The following DNAH12 variants were observed in gnomAD, a reference collection of about 807,000 sequenced individuals.
The protein encoded by DNAH12 is dynein axonemal heavy chain 12, also known as axonemal beta dynein heavy chain 12.
Under a neutral mutation model 371.5 loss-of-function variants are expected in DNAH12, and 285 were observed. The ratio of observed to expected loss-of-function variants is 0.77; its 90% CI spans 0.70 to 0.85. The LOEUF (loss-of-function observed/expected upper bound fraction) is 0.85, where lower values mean the gene tolerates loss of function less well. Among genes scored for constraint, DNAH12 ranks in the 40% least tolerant of loss-of-function variants. The pLI, the probability that DNAH12 is intolerant of heterozygous loss-of-function variation, is 0.00. For missense variants in DNAH12, 3,611 were observed against 3,689.4 expected, an observed-to-expected ratio of 0.98 and a Z score of 0.55; for synonymous variants, 1,200 against 1,213.0, an observed-to-expected ratio of 0.99 and a Z score of 0.22.
At chr3:57,489,936 G>A (rs916123550) in intron 11 of DNAH12, among the ~76,000 whole-genome samples, 2 of 151,690 alleles carry the variant, frequency 1.3e-5, no homozygotes, top group South Asian at 2.1e-4. Flanking sequence ...CATATCACAC[G>A]GTAAAATTTC....
At chr3:57,296,575 G>T in intron 71 of DNAH12, 140 bp from the exon 72 acceptor site, 1 of 774,114 alleles carries the variant, frequency 1.3e-6, no homozygotes, top group Non-Finnish European at 2.0e-6. Flanking sequence ...TTTTTCAGCC[G>T]TAGTTTGTAA....
intron 2 of DNAH12, among the ~76,000 whole-genome samples, chr3:57,527,634 A>G (rs968968895): frequency 1.3e-5 from 2 of 152,196 alleles, no homozygotes; most frequent in African/African-American, 4.8e-5. Context: ...TTAACCATTT[A>G]TGAGACATCT....
intron 40 of DNAH12, among the ~76,000 whole-genome samples, chr3:57,407,358 C>T (rs1239043071): frequency 6.6e-6 from 1 of 151,332 alleles, no homozygotes; most frequent in Non-Finnish European, 1.5e-5. Context: ...ACCAACACCT[C>T]TGTATTTTCC....
intron 51 of DNAH12, among the ~76,000 whole-genome samples, 191 bp downstream of exon 51, chr3:57,380,087 A>T (rs975989199): frequency 2.6e-5 from 4 of 152,236 alleles, no homozygotes; most frequent in African/African-American, 9.6e-5. Flanking sequence ...CTTTTTAACT[A>T]TCTGAGACAG....
In DNAH12 at chr3:57,368,029, T is replaced by C. The variant is rs2063089309; in HGVS notation, c.8974+17A>G. The C allele has an allele frequency of 6.6e-6, 1 of 152,346 alleles. No homozygotes were observed. Among genetic ancestry groups the C allele is most frequent in the East Asian group, 1.9e-4 (1 of 5,184 alleles). 9.4% of individuals were successfully genotyped at this position (152,346 alleles called of 1,614,324 possible). On this transcript the variant is annotated intron_variant, in intron 56 of 73. Coordinates refer to ENST00000495027, the MANE Select transcript of DNAH12 (RefSeq NM_001366028.2). ...ATCATCTTTCAGTTCTACAGATTAA[T>C]AGTAATTGCTTTATACCTTGTTTAA...
rs1360860307 is a variant in DNAH12, at chr3:57,323,167, A to AT, written c.10222dup (p.Met3408AsnfsTer3). 1.9e-6 allele frequency: 3 copies of AT among 1,552,232 alleles called. No homozygotes were observed. Among genetic ancestry groups the AT allele is most frequent in the Non-Finnish European group, 2.6e-6 (3 of 1,147,144 alleles). ...TCCTTCTTCAATTGCTGCTTTAATCATTTTTGCTGCAATCGGTCCTTGTCC... is the reference window on the plus strand; with the variant it reads ...TCCTTCTTCAATTGCTGCTTTAATCATTTTTTGCTGCAATCGGTCCTTGTCC... On this transcript the variant is annotated frameshift_variant, in exon 64 of 74. Coordinates refer to ENST00000495027, the MANE Select transcript of DNAH12 (RefSeq NM_001366028.2). LOFTEE classifies it high-confidence loss of function.
At chr3:57,374,949 T>C (rs2063252721) in intron 55 of DNAH12, among the ~76,000 whole-genome samples, 1 of 152,152 alleles carries the variant, frequency 6.6e-6, no homozygotes, top group Non-Finnish European at 1.5e-5. Flanking sequence ...ATGAGGAGAC[T>C]TCCCTGGTGG....
intron 17 of DNAH12, among the ~76,000 whole-genome samples, chr3:57,463,133 G>T (rs568529404): frequency 6.6e-6 from 1 of 152,162 alleles, no homozygotes; most frequent in African/African-American, 2.4e-5. Flanking sequence ...GAAGGGCCAG[G>T]CACAATGGTT....
intron 65 of DNAH12, among the ~76,000 whole-genome samples, chr3:57,316,958 C>A (rs2061699221): frequency 6.6e-6 from 1 of 152,174 alleles, no homozygotes; most frequent in Non-Finnish European, 1.5e-5. Context: ...AATTCAATGA[C>A]CTCAATAATT....
Position 57,446,095 on chromosome 3 carries a change from C to T in DNAH12, c.4115G>A (p.Cys1372Tyr). 1 of 1,551,656 alleles carries T rather than the reference C, an allele frequency of 6.4e-7. No individual in the cohort carries two copies. The highest frequency in any genetic ancestry group is 2.4e-5 in the East Asian group (1 of 40,918). Residue 1372 changes from cysteine (C) to tyrosine (Y), a missense_variant, in exon 27 of 74, where the codon TGT (cysteine) becomes TAT (tyrosine). Physicochemically the swap from Cys to Tyr is radical, Grantham distance 194 (BLOSUM62 -2). This residue lies in a region of DNAH12 where 2,266 missense variants were observed against 2,236.9 expected (regional missense o/e 1.01). Transcript: ENST00000495027. The part of the protein sequence containing the change: ...EGTELKLNPN[C>Y]FVAITMNPGY... ...AGGATTCATGGTAATAGCTACAAAA[C>T]AATTCGGATTGAGCTTAAGTTCTGT...
At chr3:57,437,841 C>T (rs1365250890) in intron 29 of DNAH12, among the ~76,000 whole-genome samples, 2 of 152,134 alleles carry the variant, frequency 1.3e-5, no homozygotes, top group Non-Finnish European at 2.9e-5. Flanking sequence ...CAGGGAAGGG[C>T]CAATCATATG....
At chr3:57,309,637 T>C in intron 68 of DNAH12, 29 bp downstream of exon 68, 1 of 1,426,058 alleles carries the variant, frequency 7.0e-7, no homozygotes, top group Non-Finnish European at 9.2e-7. Context: ...ATTTATATTA[T>C]AAGTAACATA....
intron 65 of DNAH12, among the ~76,000 whole-genome samples, chr3:57,322,065 G>C (rs747577757): frequency 7.9e-5 from 12 of 152,128 alleles, no homozygotes; most frequent in Non-Finnish European, 1.8e-4. Context: ...CTACTCTCGG[G>C]TCCTAATCAA....
intron 32 of DNAH12, among the ~76,000 whole-genome samples, chr3:57,430,662 A>G (rs2064929065): frequency 6.6e-6 from 1 of 152,164 alleles, no homozygotes. Flanking sequence ...AACTTTTAAT[A>G]GTATTATTAT....
In DNAH12 at chr3:57,523,581, A is replaced by C; in HGVS notation, c.279+2T>G. ...ACAAGAAATATAAAAACTTGAACTCACTCCTTTTTTTTTCATTTCACTGGT... is the reference window on the plus strand; with the variant it reads ...ACAAGAAATATAAAAACTTGAACTCCCTCCTTTTTTTTTCATTTCACTGGT... On this transcript the variant is annotated splice_donor_variant, in intron 4 of 73. Coordinates refer to ENST00000495027, the MANE Select transcript of DNAH12 (RefSeq NM_001366028.2). LOFTEE classifies it high-confidence loss of function. 6.3e-7 allele frequency: 1 copy of C among 1,577,260 alleles called. No individual in the cohort carries two copies. Among genetic ancestry groups the C allele is most frequent in the Non-Finnish European group, 8.6e-7 (1 of 1,162,772 alleles).
intron 13 of DNAH12, among the ~76,000 whole-genome samples, chr3:57,478,536 A>G (rs1354803576): frequency 6.6e-6 from 1 of 152,230 alleles, no homozygotes; most frequent in East Asian, 1.9e-4. Context: ...CCAACCTAGC[A>G]AGGCAGGCCA....
intron 49 of DNAH12, among the ~76,000 whole-genome samples, chr3:57,383,656 G>A (rs1267551015): frequency 3.8e-5 from 4 of 105,128 alleles, no homozygotes; most frequent in Non-Finnish European, 7.1e-5. Context: ...CTGAGTTGGG[G>A]TGGGGGGCGG....
intron 43 of DNAH12, among the ~76,000 whole-genome samples, chr3:57,401,402 A>G (rs1468433045): frequency 6.6e-6 from 1 of 150,816 alleles, no homozygotes; most frequent in Non-Finnish European, 1.5e-5. Context: ...ACAAAAAAAA[A>G]AAAAAGAAAA....
chr3:57,369,543 T>C (rs2063127138), intron 55 of DNAH12, among the ~76,000 whole-genome samples: 1 of 151,964 alleles, frequency 6.6e-6, no homozygotes, highest in East Asian at 1.9e-4. Context: ...AAGACAAAAC[T>C]AGCTGACTAG....
Sources: gnomAD v4.1 joint callset for allele counts (sites outside exome capture counted in the v4.1 genomes callset) on GRCh38, gnomAD v4.1.1 for gene constraint, gnomAD v4.1.1 regional missense constraint, MANE v1.5 for transcripts, NCBI Gene and HGNC (gene_info 2026-07-23, HGNC 2026-07-21) for gene names.